Variants in WLS observed in about 807,000 individuals in gnomAD.
The protein encoded by WLS is Wnt ligand secretion mediator.
A neutral mutation model predicts 62.8 loss-of-function variants in WLS; 23 were observed. That is an observed-to-expected ratio of 0.37 (90% CI 0.26 to 0.52). The LOEUF is 0.52. Ranked by LOEUF, WLS falls within the 20% of genes least tolerant of loss-of-function variation. The pLI, the probability that WLS is intolerant of heterozygous loss-of-function variation, is 0.92. For missense variants in WLS, 615 were observed against 697.3 expected, an observed-to-expected ratio of 0.88 and a Z score of 1.33; for synonymous variants, 246 against 244.1, an observed-to-expected ratio of 1.01 and a Z score of -0.07.
chr1:68,140,459 T>G (rs1291588037), intron 10 of WLS, among the ~76,000 whole-genome samples: 1 of 152,222 alleles, frequency 6.6e-6, no homozygotes, highest in Non-Finnish European at 1.5e-5. Flanking sequence ...CTGTATAGTA[T>G]GCACTATATA....
chr1:68,153,460 C>T, intron 5 of WLS, 57 bp downstream of exon 5: 1 of 1,607,922 alleles, frequency 6.2e-7, no homozygotes. Flanking sequence ...AAAGCAAGAG[C>T]TTGGCAGATC....
chr1:68,232,424 GC>G lies in WLS; in HGVS notation c.-126del. ...CTGGGCGCTGCAAAACTTCAGAGGTGCTGGAGCGCGGCGAGGATGGGACCGG... is the reference window on the plus strand; with the variant it reads ...CTGGGCGCTGCAAAACTTCAGAGGTGTGGAGCGCGGCGAGGATGGGACCGG... On this transcript the variant is annotated 5_prime_UTR_variant, in exon 1 of 12. Transcript: ENST00000262348. The G allele has an allele frequency of 7.6e-6, 11 of 1,439,216 alleles. No individual in the cohort carries two copies. Among genetic ancestry groups the G allele is most frequent in the Non-Finnish European group, 1.0e-5 (11 of 1,095,246 alleles). The allele number at this position is 1,439,216 out of a possible 1,614,324, so 89.2% of individuals were successfully genotyped here.
At chr1:68,222,250 T>C (rs1649972330) in intron 1 of WLS, among the ~76,000 whole-genome samples, 1 of 152,178 alleles carries the variant, frequency 6.6e-6, no homozygotes, top group African/African-American at 2.4e-5. Context: ...AATTTACATT[T>C]CCCCAAGCAG....
chr1:68,230,746 T>C (rs1650374980), intron 1 of WLS, among the ~76,000 whole-genome samples: 1 of 152,154 alleles, frequency 6.6e-6, no homozygotes, highest in Non-Finnish European at 1.5e-5. Context: ...ACTGTCTCCT[T>C]TAGGTATTTC....
At position 68,118,875 on chromosome 1, in the gene WLS, C is replaced by CAAAAAAA. The variant is rs33982774; in HGVS notation, c.1510+18898_1510+18904dup. ...CTGGGTGACGAGCAAGACTCTGTCT[C>CAAAAAAA]AAAAAAAAAAAAAAAAAAAAAAAAA... On this transcript the variant is annotated intron_variant, in intron 11 of 11. Transcript: ENST00000354777. 1.6e-3 allele frequency among the ~76,000 whole-genome samples: 42 copies of CAAAAAAA among 26,386 alleles called. 9 individuals carry two copies. The highest frequency in any genetic ancestry group is 2.2e-3 in the African/African-American group (18 of 8,052). The allele number at this position is 26,386 out of a possible 152,430, so 17.3% of individuals were successfully genotyped here.
At chr1:68,109,177 A>G (rs1646187080) in intron 11 of WLS, among the ~76,000 whole-genome samples, 1 of 135,388 alleles carries the variant, frequency 7.4e-6, no homozygotes, top group Non-Finnish European at 1.6e-5. Flanking sequence ...TAAAACTGCA[A>G]TCAAAAGCCA....
intron 2 of WLS, among the ~76,000 whole-genome samples, chr1:68,172,983 C>T (rs746402438): frequency 1.3e-5 from 2 of 152,078 alleles, no homozygotes; most frequent in South Asian, 4.2e-4. Flanking sequence ...GGCAGCTGTG[C>T]GGAAGACGGA....
chr1:68,214,887 T>C (rs1023961819), intron 1 of WLS, among the ~76,000 whole-genome samples: 7 of 152,210 alleles, frequency 4.6e-5, no homozygotes, highest in African/African-American at 1.7e-4. Context: ...TTAGCTTCAT[T>C]CTCAGGCTTC....
intron 1 of WLS, among the ~76,000 whole-genome samples, chr1:68,197,797 A>T (rs1462302329): frequency 6.6e-6 from 1 of 152,182 alleles, no homozygotes; most frequent in Non-Finnish European, 1.5e-5. Flanking sequence ...TCTAGAATCA[A>T]AAAAAGTTTG....
At chr1:68,104,636 G>A (rs987319040) in intron 11 of WLS, among the ~76,000 whole-genome samples, 13 of 152,202 alleles carry the variant, frequency 8.5e-5, no homozygotes, top group African/African-American at 3.1e-4. Context: ...GCAGCCTGGT[G>A]CGATGGCTTG....
chr1:68,148,573 T>A lies in WLS; in HGVS notation c.1060A>T (p.Met354Leu). ...VGSFCLFIFDMCERGVQLTNP... is the reference protein window; with the variant it reads ...VGSFCLFIFDLCERGVQLTNP... ...CAAACACTTGCTCACCTCTCACACA[T>A]GTCAAATATGAAGAGGCAGAAGGAG... The change falls in exon 7 of 12, where the codon ATG becomes TTG. Residue 354 changes from methionine to leucine, a missense_variant. Coordinates refer to ENST00000262348, the MANE Select transcript of WLS (RefSeq NM_024911.7). The A allele has an allele frequency of 6.2e-7, 1 of 1,613,980 alleles. No homozygotes were observed. The highest frequency in any genetic ancestry group is 8.5e-7 in the Non-Finnish European group (1 of 1,179,946).
At chr1:68,148,972 A>G (rs1347178581) in intron 6 of WLS, among the ~76,000 whole-genome samples, 1 of 152,194 alleles carries the variant, frequency 6.6e-6, no homozygotes, top group Non-Finnish European at 1.5e-5. Context: ...TGGTCCACAA[A>G]ATAACTCATT....
At chr1:68,192,585 A>C (rs1056221096) in intron 2 of WLS, among the ~76,000 whole-genome samples, 27 of 150,570 alleles carry the variant, frequency 1.8e-4, no homozygotes, top group African/African-American at 5.6e-4. Flanking sequence ...ACACACACAA[A>C]AAAAAAAGAA....
intron 3 of WLS, 29 bp from the exon 4 acceptor site, chr1:68,155,289 G>C (rs768784045): frequency 6.3e-7 from 1 of 1,592,872 alleles, no homozygotes; most frequent in South Asian, 1.1e-5. Context: ...GTTTGAGGCA[G>C]GGTCACTATT....
chr1:68,133,122 T>C (rs1646554468), intron 11 of WLS, among the ~76,000 whole-genome samples: 1 of 152,152 alleles, frequency 6.6e-6, no homozygotes, highest in African/African-American at 2.4e-5. Context: ...GAAAGGTAAC[T>C]AAAATATCTT....
chr1:68,118,030 G>T (rs979770180), intron 11 of WLS, among the ~76,000 whole-genome samples: 4 of 151,216 alleles, frequency 2.6e-5, no homozygotes, highest in African/African-American at 9.7e-5. Context: ...TTATCTTAGG[G>T]GATATTTCTT....
At chr1:68,131,088 T>TGTGTGTGTGTG (rs1557462873) in intron 11 of WLS, among the ~76,000 whole-genome samples, 31 of 66,458 alleles carry the variant, frequency 4.7e-4, no homozygotes, top group African/African-American at 1.3e-3. Context: ...GTGTGTGTGT[T>TGTGTGTGTGTG]TTTAAGTAGA....
At chr1:68,217,208 A>G (rs1649765572) in intron 1 of WLS, among the ~76,000 whole-genome samples, 1 of 152,174 alleles carries the variant, frequency 6.6e-6, no homozygotes, top group Admixed American at 6.5e-5. Context: ...CTCACACTAT[A>G]AACAAACCCT....
chr1:68,125,996 A>G lies in WLS; in HGVS notation c.*230T>C. The stretch of plus-strand genomic sequence containing the variant: ...TAACAATGATCACAGAAAATGTGTC[A>G]TACCAGAGTTTTTGTTATCATACAC... On this transcript the variant is annotated 3_prime_UTR_variant, in exon 12 of 12. Transcript: ENST00000262348. 2 of 1,342,034 alleles carry G rather than the reference A, an allele frequency of 1.5e-6. No homozygotes were observed. Among genetic ancestry groups the G allele is most frequent in the Non-Finnish European group, 1.9e-6 (2 of 1,043,960 alleles). The allele number at this position is 1,342,034 out of a possible 1,614,324, so 83.1% of individuals were successfully genotyped here.
Sources: gnomAD v4.1 joint callset for allele counts (sites outside exome capture counted in the v4.1 genomes callset) on GRCh38, gnomAD v4.1.1 for gene constraint, MANE v1.5 for transcripts, NCBI Gene and HGNC (gene_info 2026-07-23, HGNC 2026-07-21) for gene names.